Variants in EIPR1 observed in about 807,000 individuals in gnomAD.
EIPR1 encodes the protein EARP and GARP complex-interacting protein 1.
In EIPR1, 25 loss-of-function variants were observed where a neutral mutation model predicts 48.1. The observed-to-expected ratio is 0.52, with a 90% confidence interval of 0.38 to 0.73. The LOEUF is 0.73. Among genes scored for constraint, EIPR1 ranks in the 30% least tolerant of loss-of-function variants. The pLI, the probability that EIPR1 is intolerant of heterozygous loss-of-function variation, is 0.00. For missense variants in EIPR1, 415 were observed against 506.2 expected, an observed-to-expected ratio of 0.82 and a Z score of 1.73; for synonymous variants, 204 against 201.9, an observed-to-expected ratio of 1.01 and a Z score of -0.09.
At position 3,377,737 on chromosome 2, in the gene EIPR1, C is replaced by T. The variant is rs970578788; in HGVS notation, c.-48G>A. On this transcript the variant is annotated 5_prime_UTR_variant, in exon 1 of 9. Transcript: ENST00000382125. ...CCGGCCACTCACACGCTAAGGACCT[C>T]GCTACGGCCGGCGCGTCCCCACCTC... 1.3e-6 allele frequency: 2 copies of T among 1,550,916 alleles called. No individual in the cohort carries two copies. Among genetic ancestry groups the T allele is most frequent in the Non-Finnish European group, 1.7e-6 (2 of 1,146,250 alleles).
intron 4 of EIPR1, among the ~76,000 whole-genome samples, chr2:3,229,983 T>A (rs563375141): frequency 6.6e-6 from 1 of 152,176 alleles, no homozygotes; most frequent in Non-Finnish European, 1.5e-5. Context: ...CTTTTTGACA[T>A]TTTCAACACT....
rs1665550835 is a variant in EIPR1 at position 3,214,198 on chromosome 2, T to A, written c.467A>T (p.Asp156Val). The A allele has an allele frequency of 1.2e-6, 2 of 1,613,874 alleles. No homozygotes were observed. Among genetic ancestry groups the A allele is most frequent in the African/African-American group, 2.7e-5 (2 of 74,924 alleles). Residue 156 changes from aspartate to valine, a missense_variant, in exon 5 of 9, where the codon GAT becomes GTT. Asp to Val is a radical substitution (Grantham distance 152, BLOSUM62 -3). Coordinates refer to ENST00000382125, the MANE Select transcript of EIPR1 (RefSeq NM_003310.5). ...GDGKKIISLA[D>V]NHILLWDLQE... ...TAAATCCCACAGCAGGATATGGTTA[T>A]CAGCCAAGGAAATGATTTTCTTCCC...
At chr2:3,339,555 C>T (rs1021885100) in intron 2 of EIPR1, among the ~76,000 whole-genome samples, 2 of 152,130 alleles carry the variant, frequency 1.3e-5, no homozygotes, top group Non-Finnish European at 2.9e-5. Flanking sequence ...CGGGAGGTGA[C>T]TGGATCATGG....
rs117441054 is a variant in EIPR1, at chr2:3,287,177, G to A, written c.260-29722C>T. ...TCATTCAACATGTTCCACAAAGCTC[G>A]TCCACCACACTCCAGAAAGTTCGTT... On this transcript the variant is annotated intron_variant, in intron 3 of 8. Coordinates refer to ENST00000382125, the MANE Select transcript of EIPR1 (RefSeq NM_003310.5). 2.6e-3 allele frequency among the ~76,000 whole-genome samples: 394 copies of A among 152,202 alleles called. 12 individuals carry two copies. In the East Asian group the frequency reaches 0.063, roughly 24 times the overall value.
At chr2:3,356,643 G>C (rs1275328533) in intron 1 of EIPR1, among the ~76,000 whole-genome samples, 1 of 152,230 alleles carries the variant, frequency 6.6e-6, no homozygotes, top group Non-Finnish European at 1.5e-5. Flanking sequence ...AAGGGACTCT[G>C]CTGATGTGCT....
At chr2:3,289,543 C>T (rs952419103) in intron 3 of EIPR1, among the ~76,000 whole-genome samples, 3 of 152,176 alleles carry the variant, frequency 2.0e-5, no homozygotes, top group East Asian at 1.9e-4. Flanking sequence ...CTGGTTCCCT[C>T]GGTCTCCCTC....
intron 7 of EIPR1, among the ~76,000 whole-genome samples, chr2:3,193,261 G>C (rs1664673657): frequency 6.6e-6 from 1 of 152,188 alleles, no homozygotes; most frequent in Non-Finnish European, 1.5e-5. Flanking sequence ...TACCAATCCG[G>C]GGTTTTAACA....
Position 3,293,709 on chromosome 2 carries a change from G to C in EIPR1, c.260-36254C>G, listed in dbSNP as rs189232233. Among the ~76,000 whole-genome samples, 253 of 152,310 alleles carry C rather than the reference G, an allele frequency of 1.7e-3. 3 individuals are homozygous for C. Among genetic ancestry groups the C allele is most frequent in the Admixed American group, 0.016 (243 of 15,304 alleles). On this transcript the variant is annotated intron_variant, in intron 3 of 8. Transcript: ENST00000382125. ...TTGGATGCAGGTGGCCACAGCAGCA[G>C]GTAAACTCTCTTAATATGCTGCAGG...
chr2:3,372,969 CAA>C (rs1659737435), intron 1 of EIPR1, among the ~76,000 whole-genome samples: 1 of 151,904 alleles, frequency 6.6e-6, no homozygotes, highest in African/African-American at 2.4e-5. Flanking sequence ...AACATTGATG[CAA>C]AAATCCTCAA....
At chr2:3,280,864 C>T (rs959699454) in intron 3 of EIPR1, among the ~76,000 whole-genome samples, 4 of 152,184 alleles carry the variant, frequency 2.6e-5, no homozygotes, top group African/African-American at 9.6e-5. Flanking sequence ...GGTCTGAGCA[C>T]AAGCAGCCAG....
chr2:3,220,887 C>T (rs1326382340), intron 4 of EIPR1, among the ~76,000 whole-genome samples: 1 of 149,294 alleles, frequency 6.7e-6, no homozygotes, highest in East Asian at 2.0e-4. Context: ...CTAGAGCATT[C>T]ACAGTCAGTT....
chr2:3,347,454 C>T (rs1212760593), intron 2 of EIPR1, among the ~76,000 whole-genome samples: 4 of 152,214 alleles, frequency 2.6e-5, no homozygotes, highest in Admixed American at 6.5e-5. Context: ...TGCACAAGCT[C>T]TCTTTGCCTG....
intron 4 of EIPR1, among the ~76,000 whole-genome samples, chr2:3,219,001 T>G (rs1460646256): frequency 8.7e-5 from 13 of 150,156 alleles, no homozygotes; most frequent in African/African-American, 2.5e-4. Context: ...GTGAGTCAGG[T>G]GCACACTCAA....
intron 3 of EIPR1, among the ~76,000 whole-genome samples, chr2:3,309,418 A>G (rs554188914): frequency 6.6e-6 from 1 of 152,348 alleles, no homozygotes; most frequent in South Asian, 2.1e-4. Flanking sequence ...CAGGAAGGTG[A>G]AAGAGAAACA....
chr2:3,257,730 T>A (rs1427521410), intron 3 of EIPR1, among the ~76,000 whole-genome samples: 1 of 152,118 alleles, frequency 6.6e-6, no homozygotes, highest in Non-Finnish European at 1.5e-5. Flanking sequence ...TTCCTCAAAA[T>A]CGATTTCCTT....
rs1670404245 is a variant in EIPR1 at position 3,346,403 on chromosome 2, T to C, written c.126+8147A>G. Among the ~76,000 whole-genome samples, 6 of 152,334 alleles carry C rather than the reference T, an allele frequency of 3.9e-5. 1 individual carries two copies. The South Asian group carries it at 1.2e-3, about 32-fold the overall frequency. On this transcript the variant is annotated intron_variant, in intron 2 of 8. Transcript: ENST00000382125. ...AATGTAATAGATGCCCAATAGAACATCACAAGGTTTACTTGTGAAAAGTGA... is the reference window on the plus strand; with the variant it reads ...AATGTAATAGATGCCCAATAGAACACCACAAGGTTTACTTGTGAAAAGTGA...
intron 3 of EIPR1, among the ~76,000 whole-genome samples, chr2:3,314,555 A>G (rs1490998578): frequency 6.6e-6 from 1 of 151,944 alleles, no homozygotes; most frequent in Non-Finnish European, 1.5e-5. Flanking sequence ...ACAGGGTGAC[A>G]AGCATTTCTG....
At chr2:3,228,467 G>A (rs933551577) in intron 4 of EIPR1, among the ~76,000 whole-genome samples, 21 of 152,242 alleles carry the variant, frequency 1.4e-4, no homozygotes, top group South Asian at 8.3e-4. Context: ...ATAGGCAGAA[G>A]GGACTTGCCT....
intron 3 of EIPR1, among the ~76,000 whole-genome samples, chr2:3,269,649 TCA>T (rs1667639464): frequency 1.3e-5 from 2 of 148,566 alleles, no homozygotes; most frequent in African/African-American, 5.0e-5. Context: ...CACTCAATCA[TCA>T]CACTCAATCA....
Sources: gnomAD v4.1 joint callset for allele counts (sites outside exome capture counted in the v4.1 genomes callset) on GRCh38, gnomAD v4.1.1 for gene constraint, MANE v1.5 for transcripts, NCBI Gene and HGNC (gene_info 2026-07-23, HGNC 2026-07-21) for gene names.